The following LRRFIP2 variants were observed in gnomAD, a reference collection of about 807,000 sequenced individuals.
LRRFIP2 encodes leucine-rich repeat flightless-interacting protein 2.
LRRFIP2 carries 109 observed loss-of-function variants against 125.9 expected under a neutral mutation model. The ratio of observed to expected loss-of-function variants is 0.87; its 90% CI spans 0.74 to 1.01. LRRFIP2 has a LOEUF of 1.01. Ranked by LOEUF, LRRFIP2 falls within the 50% of genes least tolerant of loss-of-function variation. The pLI is 0.00. For missense variants in LRRFIP2, 850 were observed against 862.3 expected, an observed-to-expected ratio of 0.99 and a Z score of 0.18; for synonymous variants, 291 against 293.1, an observed-to-expected ratio of 0.99 and a Z score of 0.07.
chr3:37,155,529 C>G (rs993785322), intron 1 of LRRFIP2, among the ~76,000 whole-genome samples: 3 of 152,128 alleles, frequency 2.0e-5, no homozygotes, highest in African/African-American at 7.2e-5. Flanking sequence ...ACTTTGTATT[C>G]AAAGTTTACT....
intron 13 of LRRFIP2, among the ~76,000 whole-genome samples, chr3:37,105,974 A>C (rs1463327311): frequency 1.3e-5 from 2 of 152,112 alleles, no homozygotes; most frequent in Admixed American, 1.3e-4. Context: ...CCGAGGCAGG[A>C]GAATTGCTGG....
chr3:37,135,915 T>C lies in LRRFIP2; in HGVS notation c.91-6766A>G, dbSNP rs184814486. 1.3e-4 allele frequency among the ~76,000 whole-genome samples: 20 copies of C among 152,340 alleles called. No individual in the cohort carries two copies. The East Asian group carries it at 1.7e-3, about 13-fold the overall frequency. ...GTTCCTCAAAAGTTAAACACAGTGA[T>C]ACCATCCATCCACCTCTAAATATGT... On this transcript the variant is annotated intron_variant, in intron 2 of 27. Coordinates refer to ENST00000336686, the MANE Select transcript of LRRFIP2 (RefSeq NM_006309.4).
chr3:37,116,433 T>A (rs1307775827), intron 6 of LRRFIP2, among the ~76,000 whole-genome samples: 1 of 152,090 alleles, frequency 6.6e-6, no homozygotes, highest in African/African-American at 2.4e-5. Flanking sequence ...CACCGTACCC[T>A]GCCCTCAACC....
At chr3:37,138,973 C>G (rs1457656295) in intron 2 of LRRFIP2, among the ~76,000 whole-genome samples, 2 of 152,122 alleles carry the variant, frequency 1.3e-5, no homozygotes, top group Non-Finnish European at 2.9e-5. Context: ...AAAGGTTACT[C>G]AAACACAAAC....
Position 37,111,036 on chromosome 3 carries a change from A to G in LRRFIP2, c.468T>C (p.Tyr156=). Residue 156 remains tyrosine (Y), a synonymous_variant, in exon 9 of 28, where the codon TAT becomes TAC. Transcript: ENST00000336686. ...LSGLYFDQRN[Y]SSLRHSKPTS... is the part of the protein sequence containing the mutation. ...TGGGTTTGCTATGTCTAAGACTGCT[A>G]TAGTTTCTCTGGTCAAAGTAGAGGC... 1 of 1,613,826 alleles carries G rather than the reference A, an allele frequency of 6.2e-7. No individual in the cohort carries two copies. Among genetic ancestry groups the G allele is most frequent in the Non-Finnish European group, 8.5e-7 (1 of 1,179,854 alleles).
intron 19 of LRRFIP2, among the ~76,000 whole-genome samples, chr3:37,082,163 G>T (rs1234495499): frequency 6.6e-6 from 1 of 151,914 alleles, no homozygotes; most frequent in Non-Finnish European, 1.5e-5. Flanking sequence ...AAAATGTGTG[G>T]GACAGCAAAA....
chr3:37,100,191 A>T (rs1220059094), intron 15 of LRRFIP2, among the ~76,000 whole-genome samples: 5 of 152,228 alleles, frequency 3.3e-5, no homozygotes. Context: ...TTAAAAATAC[A>T]CAAATCACCT....
intron 21 of LRRFIP2, among the ~76,000 whole-genome samples, chr3:37,070,114 CTT>C (rs528717261): frequency 4.0e-4 from 55 of 136,860 alleles, no homozygotes; most frequent in Admixed American, 7.4e-4. Flanking sequence ...TAAATTTCCT[CTT>C]TTTTTTTTTT....
At chr3:37,085,643 G>A (rs899578152) in intron 18 of LRRFIP2, among the ~76,000 whole-genome samples, 7 of 149,696 alleles carry the variant, frequency 4.7e-5, no homozygotes, top group Non-Finnish European at 1.0e-4. Context: ...GTGCAATGGC[G>A]CGATCTTGGC....
rs1319745924 is a variant in LRRFIP2 at position 37,053,574 on chromosome 3, A to G, written c.*277T>C. ...TGCCCAGTTACTGAGGCAGCTGGGG[A>G]AAAACGTTGAGTAAACATGATTCTA... On this transcript the variant is annotated 3_prime_UTR_variant, in exon 28 of 28. Coordinates refer to ENST00000336686, the MANE Select transcript of LRRFIP2 (RefSeq NM_006309.4). 2 of 350,170 alleles carry G rather than the reference A, an allele frequency of 5.7e-6. No homozygotes were observed. The highest frequency in any genetic ancestry group is 1.1e-5 in the Non-Finnish European group (2 of 187,376). The allele number at this position is 350,170 out of a possible 1,614,324, so 21.7% of individuals were successfully genotyped here.
chr3:37,156,695 A>AG (rs2096209087), intron 1 of LRRFIP2, among the ~76,000 whole-genome samples: 1 of 148,572 alleles, frequency 6.7e-6, no homozygotes. Context: ...AAAAAAAAAA[A>AG]AAAAAAAAGA....
chr3:37,065,354 G>T, intron 23 of LRRFIP2: 1 of 304,146 alleles, frequency 3.3e-6, no homozygotes, highest in Non-Finnish European at 6.6e-6. Context: ...ATATCTTTTT[G>T]GTCATCTGTT....
chr3:37,115,692 T>G (rs1267938267), intron 6 of LRRFIP2, among the ~76,000 whole-genome samples: 2 of 152,182 alleles, frequency 1.3e-5, no homozygotes, highest in Non-Finnish European at 2.9e-5. Context: ...ATGTGTGAAC[T>G]GCACAGTATA....
At chr3:37,156,394 C>A (rs2096193891) in intron 1 of LRRFIP2, among the ~76,000 whole-genome samples, 1 of 151,202 alleles carries the variant, frequency 6.6e-6, no homozygotes, top group South Asian at 2.1e-4. Context: ...ATGACTAGGG[C>A]CAGGCACGGT....
At chr3:37,092,426 G>A (rs1010166116) in intron 17 of LRRFIP2, among the ~76,000 whole-genome samples, 1 of 152,010 alleles carries the variant, frequency 6.6e-6, no homozygotes, top group Non-Finnish European at 1.5e-5. Context: ...TTTACTTATC[G>A]ATTCATTCAA....
Position 37,060,967 on chromosome 3 carries a change from AGTGC to A in LRRFIP2, c.1750-2061_1750-2058del, listed in dbSNP as rs60077301. Among the ~76,000 whole-genome samples, 48,836 of 151,806 alleles carry A rather than the reference AGTGC, an allele frequency of 0.32. 9,706 individuals carry two copies. The highest frequency in any genetic ancestry group is 0.45 in the Non-Finnish European group (30,584 of 67,790). On this transcript the variant is annotated intron_variant, in intron 24 of 27. Coordinates refer to ENST00000336686, the MANE Select transcript of LRRFIP2 (RefSeq NM_006309.4). This position sits in a 1 kb window ranked among gnomAD's most constrained non-coding sequence, Gnocchi z 4.1. Reference sequence around the variant, plus strand: ...AATCTCATGTTGAAATGTATTCCCCAGTGCTGAAGGTGGGGCCTGGCAGGAGGTA... The same window carrying A: ...AATCTCATGTTGAAATGTATTCCCCATGAAGGTGGGGCCTGGCAGGAGGTA...
At chr3:37,106,544 A>T (rs1318167027) in intron 13 of LRRFIP2, among the ~76,000 whole-genome samples, 1 of 152,168 alleles carries the variant, frequency 6.6e-6, no homozygotes, top group Non-Finnish European at 1.5e-5. Context: ...ACAGTAATAC[A>T]CACCTGCAGT....
chr3:37,148,189 A>G (rs1218985896), intron 2 of LRRFIP2, among the ~76,000 whole-genome samples: 4 of 152,252 alleles, frequency 2.6e-5, no homozygotes, highest in Admixed American at 2.6e-4. Context: ...TCAATACATT[A>G]TAACAAGTAC....
intron 27 of LRRFIP2, among the ~76,000 whole-genome samples, chr3:37,054,165 T>C (rs1050027402): frequency 2.6e-5 from 4 of 152,218 alleles, no homozygotes; most frequent in East Asian, 1.9e-4. Flanking sequence ...AAAGGATATA[T>C]AGAAGTTGGA....
Sources: gnomAD v4.1 joint callset for allele counts (sites outside exome capture counted in the v4.1 genomes callset) on GRCh38, gnomAD v4.1.1 for gene constraint, Gnocchi (gnomAD v3.1) non-coding constraint, MANE v1.5 for transcripts, NCBI Gene and HGNC (gene_info 2026-07-23, HGNC 2026-07-21) for gene names.